The following GALNT9 variants were observed in gnomAD, a reference collection of about 807,000 sequenced individuals.
GALNT9 encodes polypeptide N-acetylgalactosaminyltransferase 9.
A neutral mutation model predicts 63.1 loss-of-function variants in GALNT9; 47 were observed. That is an observed-to-expected ratio of 0.75 (90% CI 0.59 to 0.95). The LOEUF is 0.95. Ranked by LOEUF, GALNT9 falls within the 40% of genes least tolerant of loss-of-function variation. GALNT9 has a pLI of 0.00. For synonymous variants in GALNT9, 396 were observed against 365.7 expected, an observed-to-expected ratio of 1.08 and a Z score of -0.94; for missense variants, 829 against 874.8, an observed-to-expected ratio of 0.95 and a Z score of 0.66.
chr12:132,240,607 G>T (rs961085731), intron 6 of GALNT9: 1 of 455,708 alleles, frequency 2.2e-6, no homozygotes, highest in South Asian at 1.5e-5. Flanking sequence ...TCCGTGCGTG[G>T]CCCCGGGGCT....
At chr12:132,254,261 G>C (rs530218827) in intron 5 of GALNT9, among the ~76,000 whole-genome samples, 1 of 152,082 alleles carries the variant, frequency 6.6e-6, no homozygotes, top group Non-Finnish European at 1.5e-5. Flanking sequence ...CACCCGCCTC[G>C]GCCTCCCAAA....
intron 6 of GALNT9, among the ~76,000 whole-genome samples, chr12:132,216,052 ATAGACAGAGACATAGAGAGACG>A (rs1311419383): frequency 6.6e-6 from 1 of 152,290 alleles, no homozygotes; most frequent in South Asian, 2.1e-4. Context: ...CCATCTAATG[ATAGACAGAGACATAGAGAGACG>A]TAGACAGAGA....
intron 10 of GALNT9, 31 bp downstream of exon 10, chr12:132,197,756 CCCCAA>C: frequency 7.3e-7 from 1 of 1,371,236 alleles, no homozygotes; most frequent in Non-Finnish European, 1.0e-6. Context: ...CCCTGCCCCG[CCCCAA>C]CCCCACGGCC....
intron 1 of GALNT9, among the ~76,000 whole-genome samples, chr12:132,289,797 C>T (rs1176295195): frequency 6.6e-6 from 1 of 152,216 alleles, no homozygotes; most frequent in East Asian, 1.9e-4. Flanking sequence ...GCCCCTGGTC[C>T]AGACGCTGCT....
chr12:132,325,988 G>A (rs1164108981), intron 1 of GALNT9, among the ~76,000 whole-genome samples: 3 of 152,228 alleles, frequency 2.0e-5, no homozygotes, highest in Admixed American at 6.5e-5. Context: ...CTCGCTCCAC[G>A]CCCACAGCAA....
intron 6 of GALNT9, among the ~76,000 whole-genome samples, chr12:132,213,521 A>C (rs1343827348): frequency 6.6e-6 from 1 of 151,064 alleles, no homozygotes. Flanking sequence ...GCACTCACAC[A>C]CACGCACTCC....
intron 1 of GALNT9, among the ~76,000 whole-genome samples, chr12:132,304,311 G>A (rs1417354838): frequency 2.1e-5 from 2 of 97,270 alleles, no homozygotes; most frequent in African/African-American, 4.7e-5. Flanking sequence ...ACCCTCACCC[G>A]GGCACAGAAT....
intron 2 of GALNT9, among the ~76,000 whole-genome samples, chr12:132,281,124 C>T (rs146250302): frequency 3.3e-5 from 5 of 152,356 alleles, no homozygotes; most frequent in African/African-American, 4.8e-5. Context: ...CTCGCTGAGC[C>T]GCGCCGGGAT....
intron 2 of GALNT9, among the ~76,000 whole-genome samples, chr12:132,267,128 G>A (rs1879630536): frequency 6.6e-6 from 1 of 152,204 alleles, no homozygotes; most frequent in East Asian, 1.9e-4. Flanking sequence ...AAGCCGGCTT[G>A]TCTCACAAAA....
At chr12:132,210,737 C>T (rs1447603885) in intron 6 of GALNT9, among the ~76,000 whole-genome samples, 1 of 152,034 alleles carries the variant, frequency 6.6e-6, no homozygotes, top group Non-Finnish European at 1.5e-5. Flanking sequence ...GAAGCTCCAA[C>T]TTGCCAAAAG....
In GALNT9 at chr12:132,196,636, A is replaced by G. The variant is rs1179496998; in HGVS notation, c.*471T>C. ...TTACCAGACCACAAGGAGCTGCATTATGATGTGTGACTTAGGTCTTGGTTG... is the reference window on the plus strand; with the variant it reads ...TTACCAGACCACAAGGAGCTGCATTGTGATGTGTGACTTAGGTCTTGGTTG... On this transcript the variant is annotated 3_prime_UTR_variant, in exon 11 of 11. Coordinates refer to ENST00000328957, the MANE Select transcript of GALNT9 (RefSeq NM_001122636.2). 5.0e-6 allele frequency: 5 copies of G among 997,356 alleles called. No individual in the cohort carries two copies. The highest frequency in any genetic ancestry group is 6.0e-6 in the Non-Finnish European group (5 of 837,632). The allele number at this position is 997,356 out of a possible 1,614,324, so 61.8% of individuals were successfully genotyped here. A position where few individuals can be genotyped will look rare whatever the true frequency, so the allele number is the denominator to read the frequency against.
intron 1 of GALNT9, among the ~76,000 whole-genome samples, chr12:132,299,350 C>T (rs1309587167): frequency 7.3e-6 from 1 of 137,722 alleles, no homozygotes; most frequent in East Asian, 2.5e-4. Flanking sequence ...TGAGATAACC[C>T]ACTCCCATGA....
intron 6 of GALNT9, 131 bp downstream of exon 6, chr12:132,247,779 C>T (rs1555238172): frequency 2.4e-6 from 3 of 1,251,418 alleles, no homozygotes; most frequent in Non-Finnish European, 3.3e-6. Context: ...CACCCCATCC[C>T]CGGACGCTGC....
At chr12:132,298,423 G>C (rs1206554285) in intron 1 of GALNT9, among the ~76,000 whole-genome samples, 1 of 150,772 alleles carries the variant, frequency 6.6e-6, no homozygotes, top group South Asian at 2.1e-4. Context: ...CCACTCCTGA[G>C]ATAATCCACT....
At chr12:132,204,876 G>A (rs1228620374) in intron 6 of GALNT9, among the ~76,000 whole-genome samples, 1 of 152,116 alleles carries the variant, frequency 6.6e-6, no homozygotes, top group Non-Finnish European at 1.5e-5. Context: ...TCAGCCCTGA[G>A]CCTGCCATGC....
Position 132,315,729 on chromosome 12 carries a change from C to T in GALNT9, c.238+13237G>A, listed in dbSNP as rs1392604074. On this transcript the variant is annotated intron_variant, in intron 1 of 10. Transcript: ENST00000328957. The surrounding 1 kb of genome is among the most constrained non-coding windows in gnomAD (Gnocchi z 6.1). ...CGCATCCACACTCAGCCCTGGTGTC[C>T]TTGCGGGAACACAGGGTCCAGAGAC... 1.3e-5 allele frequency among the ~76,000 whole-genome samples: 2 copies of T among 152,204 alleles called. No homozygotes were observed. The highest frequency in any genetic ancestry group is 2.9e-5 in the Non-Finnish European group (2 of 68,046).
intron 2 of GALNT9, among the ~76,000 whole-genome samples, chr12:132,269,824 A>G (rs781997996): frequency 7.2e-5 from 11 of 152,346 alleles, no homozygotes; most frequent in South Asian, 4.1e-4. Flanking sequence ...CCAGCTATGC[A>G]GGCCTGGCCT....
At chr12:132,305,642 C>G (rs1233622084) in intron 1 of GALNT9, among the ~76,000 whole-genome samples, 1 of 151,990 alleles carries the variant, frequency 6.6e-6, no homozygotes, top group Non-Finnish European at 1.5e-5. Context: ...CTCACCCGGA[C>G]ACGCCCTCGC....
At chr12:132,267,678 G>A (rs143424319) in intron 2 of GALNT9, among the ~76,000 whole-genome samples, 239 of 150,410 alleles carry the variant, frequency 1.6e-3, no homozygotes, top group African/African-American at 5.8e-3. Context: ...AGAGAAAGAT[G>A]CATTGAAATA....
Sources: allele counts gnomAD v4.1 joint callset (sites outside exome capture counted in the v4.1 genomes callset), GRCh38; gene constraint gnomAD v4.1.1; non-coding constraint Gnocchi (gnomAD v3.1); transcripts MANE v1.5; gene names NCBI Gene and HGNC (gene_info 2026-07-23, HGNC 2026-07-21).